INSL6: variants seen among roughly 807,000 people sequenced by gnomAD.
INSL6 encodes insulin-like peptide INSL6.
INSL6 carries 16 observed loss-of-function variants against 9.4 expected under a neutral mutation model. The observed-to-expected ratio is 1.70, with a 90% CI of 1.15 to 2.59. INSL6 has a LOEUF of 2.59. Ranked by LOEUF, INSL6 falls within the 30% of genes most tolerant of loss-of-function variation. The probability of loss-of-function intolerance (pLI) is 0.00; values close to 1 mark genes in which losing one functional copy is unlikely to be tolerated. For missense variants in INSL6, 391 were observed against 257.3 expected, an observed-to-expected ratio of 1.52 and a Z score of -3.56; for synonymous variants, 154 against 96.9, an observed-to-expected ratio of 1.59 and a Z score of -3.46.
chr9:5,078,148 T>C, the INSL6 span, among the ~76,000 whole-genome samples: 29 of 152,204 alleles, frequency 1.9e-4, no homozygotes, highest in African/African-American at 7.0e-4. Context: ...ACAGGAAGCA[T>C]AGGAGTCATA....
At chr9:5,173,991 C>A (rs1825243581) in intron 1 of INSL6, among the ~76,000 whole-genome samples, 1 of 152,112 alleles carries the variant, frequency 6.6e-6, no homozygotes, top group East Asian at 1.9e-4. Flanking sequence ...AACAGGTACA[C>A]CCATATACTC....
the INSL6 span, chr9:5,089,567 A>T: frequency 6.8e-6 from 2 of 295,982 alleles, no homozygotes; most frequent in South Asian, 1.5e-4. Context: ...AAAAAAAAAG[A>T]CAGTCTGCTA....
chr9:5,118,509 A>G, the INSL6 span, among the ~76,000 whole-genome samples: 1 of 152,242 alleles, frequency 6.6e-6, no homozygotes. Flanking sequence ...TGTAAATAAC[A>G]AATTTGGATA....
chr9:5,051,259 A>C, the INSL6 span, among the ~76,000 whole-genome samples: 1 of 152,218 alleles, frequency 6.6e-6, no homozygotes, highest in African/African-American at 2.4e-5. Flanking sequence ...TAGGTATTAA[A>C]TATCTATTAT....
chr9:4,999,509 G>A, the INSL6 span, among the ~76,000 whole-genome samples: 17 of 152,110 alleles, frequency 1.1e-4, no homozygotes, highest in African/African-American at 4.1e-4. Context: ...ACATATTAGG[G>A]TTCTCTAGAA....
the INSL6 span, among the ~76,000 whole-genome samples, chr9:5,067,682 G>A: frequency 6.6e-6 from 1 of 151,884 alleles, no homozygotes; most frequent in Non-Finnish European, 1.5e-5. Flanking sequence ...TATGTTCACT[G>A]TATGTGCCAA....
Position 5,130,752 on chromosome 9 carries a change from G to A in INSL6, c.*10+2673C>T, listed in dbSNP as rs180840687. On this transcript the variant is annotated intron_variant, in intron 3 of 3. Transcript: ENST00000649639. ...TTTTTTTTTTTATTTTTTTTGAGAC[G>A]GAGTCTCGCTCTGTCGCCCAGCCTG... Among the ~76,000 whole-genome samples the A allele has an allele frequency of 8.4e-3, 1,215 of 145,120 alleles. 13 individuals are homozygous for A. Among genetic ancestry groups the A allele is most frequent in the African/African-American group, 0.029 (1,124 of 39,318 alleles).
the INSL6 span, among the ~76,000 whole-genome samples, chr9:5,052,868 T>C: frequency 1.3e-5 from 2 of 152,116 alleles, no homozygotes; most frequent in African/African-American, 2.4e-5. Context: ...TATATAGATA[T>C]ACCACATTTT....
the INSL6 span, among the ~76,000 whole-genome samples, chr9:5,033,190 T>C: frequency 6.6e-6 from 1 of 151,938 alleles, no homozygotes; most frequent in Non-Finnish European, 1.5e-5. Context: ...AAGAGAAGTT[T>C]AGAGAAAAAG....
At chr9:5,180,252 G>C (rs977708303) in intron 1 of INSL6, among the ~76,000 whole-genome samples, 1 of 152,178 alleles carries the variant, frequency 6.6e-6, no homozygotes, top group Admixed American at 6.5e-5. Flanking sequence ...GGACCACTGT[G>C]ATAATTGTGT....
the INSL6 span, among the ~76,000 whole-genome samples, chr9:5,061,277 G>A: frequency 6.6e-6 from 1 of 152,230 alleles, no homozygotes; most frequent in East Asian, 1.9e-4. Context: ...TTTGAAGTTT[G>A]AAGGCAAGCA....
In INSL6 at chr9:5,164,051, T is replaced by A; in HGVS notation, c.504A>T (p.Gln168His). The change falls in exon 2 of 2, where the codon CAA (glutamine) becomes CAT (histidine). Residue 168 changes from glutamine to histidine, a missense_variant. Coordinates refer to ENST00000381641, the MANE Select transcript of INSL6 (RefSeq NM_007179.3). ...TTTCTGAATATCCTCTGCGTTTTCT[T>A]TGGGGATGATGCCCCCAAAACAAAT... ...LSNLFWGHHP[Q>H]RKRRGYSEKC... 1 of 1,613,810 alleles carries A rather than the reference T, an allele frequency of 6.2e-7. No individual in the cohort carries two copies. The highest frequency in any genetic ancestry group is 1.3e-5 in the African/African-American group (1 of 75,052).
At chr9:5,117,835 T>C in the INSL6 span, among the ~76,000 whole-genome samples, 15 of 152,148 alleles carry the variant, frequency 9.9e-5, no homozygotes, top group South Asian at 2.1e-4. Flanking sequence ...AGAGGGGACG[T>C]TGTATTAATG....
the INSL6 span, among the ~76,000 whole-genome samples, chr9:4,996,928 C>CTTTTTTTT: frequency 1.1e-5 from 1 of 94,706 alleles, no homozygotes; most frequent in Non-Finnish European, 2.0e-5. Flanking sequence ...TTAGTTTGTT[C>CTTTTTTTT]TTTTTTTTTT....
chr9:5,026,379 C>T, the INSL6 span, among the ~76,000 whole-genome samples: 3 of 152,082 alleles, frequency 2.0e-5, no homozygotes, highest in African/African-American at 7.2e-5. Flanking sequence ...AAAGTTGCTG[C>T]TAAATAATGT....
At chr9:4,997,479 A>G in the INSL6 span, among the ~76,000 whole-genome samples, 11 of 152,154 alleles carry the variant, frequency 7.2e-5, no homozygotes, top group Non-Finnish European at 1.3e-4. Context: ...AAACAGCCAA[A>G]TCTTGCAAGA....
At chr9:5,031,389 G>T in the INSL6 span, among the ~76,000 whole-genome samples, 1 of 152,098 alleles carries the variant, frequency 6.6e-6, no homozygotes, top group Admixed American at 6.6e-5. Context: ...GAGAATGATG[G>T]GGCCAGTATA....
At chr9:5,172,282 C>T (rs1273638414) in intron 1 of INSL6, among the ~76,000 whole-genome samples, 5 of 151,978 alleles carry the variant, frequency 3.3e-5, no homozygotes, top group Non-Finnish European at 7.4e-5. Flanking sequence ...AACTGGACCA[C>T]TTCCCTACAC....
intron 1 of INSL6, among the ~76,000 whole-genome samples, chr9:5,177,251 A>G (rs1230109562): frequency 6.6e-6 from 1 of 152,196 alleles, no homozygotes; most frequent in Non-Finnish European, 1.5e-5. Flanking sequence ...AGGGTGGAGC[A>G]ATGAATGGCC....
Sources: gnomAD v4.1 joint callset for allele counts (sites outside exome capture counted in the v4.1 genomes callset) on GRCh38, gnomAD v4.1.1 for gene constraint, MANE v1.5 for transcripts, NCBI Gene and HGNC (gene_info 2026-07-23, HGNC 2026-07-21) for gene names.